PHTF1: variants seen among roughly 807,000 people sequenced by gnomAD.
PHTF1 encodes the protein protein PHTF1.
Under a neutral mutation model 102.4 loss-of-function variants are expected in PHTF1, and 88 were observed. The ratio of observed to expected loss-of-function variants is 0.86; its 90% CI spans 0.72 to 1.03. The LOEUF is 1.03. Ranked by LOEUF, PHTF1 falls within the 50% of genes least tolerant of loss-of-function variation. PHTF1 has a pLI of 0.00. For missense variants in PHTF1, 814 were observed against 909.5 expected, an observed-to-expected ratio of 0.89 and a Z score of 1.35; for synonymous variants, 289 against 305.2, an observed-to-expected ratio of 0.95 and a Z score of 0.55.
intron 2 of PHTF1, among the ~76,000 whole-genome samples, chr1:113,758,120 G>A (rs564252274): frequency 2.4e-4 from 37 of 151,584 alleles, no homozygotes; most frequent in African/African-American, 8.5e-4. Flanking sequence ...GTGGTGGTGG[G>A]CGCCTGTGAT....
intron 16 of PHTF1, 72 bp downstream of exon 16, chr1:113,700,722 C>G: frequency 7.2e-7 from 1 of 1,397,856 alleles, no homozygotes; most frequent in Non-Finnish European, 1.0e-6. Flanking sequence ...AACCCTGAAT[C>G]CTCTGCAGGA....
At chr1:113,733,602 A>G (rs1655043740) in intron 5 of PHTF1, among the ~76,000 whole-genome samples, 1 of 151,356 alleles carries the variant, frequency 6.6e-6, no homozygotes, top group Non-Finnish European at 1.5e-5. Flanking sequence ...TAGTAACCTT[A>G]TTAACGAGAT....
At chr1:113,750,184 C>T (rs1657840027) in intron 3 of PHTF1, among the ~76,000 whole-genome samples, 1 of 151,862 alleles carries the variant, frequency 6.6e-6, no homozygotes, top group Admixed American at 6.6e-5. Context: ...TTTTGTAGAG[C>T]TATGTTGCCC....
intron 7 of PHTF1, among the ~76,000 whole-genome samples, chr1:113,724,367 CT>C (rs1399853649): frequency 6.6e-6 from 1 of 152,004 alleles, no homozygotes; most frequent in Non-Finnish European, 1.5e-5. Context: ...TGGTTACACC[CT>C]GTCTCTAATA....
chr1:113,710,421 CTCT>C lies in PHTF1; in HGVS notation c.1099_1101del (p.Arg367del). ...GAGTCATGGCGGGTGCTTTCTGAGT[CTCT>C]TCTTGACATGTTGAGGCTTCGAGAG... On this transcript the variant is annotated inframe_deletion, in exon 11 of 19. Transcript: ENST00000369604. 5.0e-6 allele frequency: 8 copies of C among 1,614,078 alleles called. No homozygotes were observed. The highest frequency in any genetic ancestry group is 5.9e-6 in the Non-Finnish European group (7 of 1,180,000).
chr1:113,712,184 C>T, intron 8 of PHTF1, 71 bp from the exon 9 acceptor site: 1 of 1,228,496 alleles, frequency 8.1e-7, no homozygotes, highest in Non-Finnish European at 1.1e-6. Flanking sequence ...TGTGTAAAAA[C>T]AAAAAAAAAT....
intron 10 of PHTF1, among the ~76,000 whole-genome samples, chr1:113,711,209 A>G (rs1651042167): frequency 6.6e-6 from 1 of 152,162 alleles, no homozygotes; most frequent in South Asian, 2.1e-4. Context: ...GTTAAAGGAT[A>G]ATCAGTCAAA....
intron 17 of PHTF1, 104 bp downstream of exon 17, chr1:113,699,600 G>A: frequency 2.9e-6 from 2 of 693,780 alleles, no homozygotes; most frequent in Non-Finnish European, 5.2e-6. Flanking sequence ...CCACTTCCAG[G>A]ACCCCTCCCA....
chr1:113,727,139 T>G (rs916160216), intron 5 of PHTF1, among the ~76,000 whole-genome samples: 1 of 152,158 alleles, frequency 6.6e-6, no homozygotes, highest in Non-Finnish European at 1.5e-5. Context: ...ATCTCCATAT[T>G]TTAACATATT....
At chr1:113,717,300 G>A (rs1652214484) in intron 7 of PHTF1, among the ~76,000 whole-genome samples, 1 of 152,018 alleles carries the variant, frequency 6.6e-6, no homozygotes, top group Non-Finnish European at 1.5e-5. Flanking sequence ...AAGATAGGAA[G>A]GAAAGAAAGA....
At chr1:113,753,221 T>C (rs1330735659) in intron 3 of PHTF1, among the ~76,000 whole-genome samples, 2 of 152,348 alleles carry the variant, frequency 1.3e-5, no homozygotes, top group Non-Finnish European at 2.9e-5. Flanking sequence ...AATGTTCTTA[T>C]GATGTCTTTG....
At chr1:113,699,422 A>G in intron 17 of PHTF1, 1 of 570,446 alleles carries the variant, frequency 1.8e-6, no homozygotes, top group African/African-American at 1.8e-5. Context: ...CACAGAGAAG[A>G]GGCAGATCTC....
rs986850949 is a variant in PHTF1 at position 113,759,457 on chromosome 1, C to G, written c.-465G>C. On this transcript the variant is annotated 5_prime_UTR_variant, in exon 1 of 19. Coordinates refer to ENST00000369604, the MANE Select transcript of PHTF1 (RefSeq NM_001323043.2). The stretch of plus-strand genomic sequence containing the variant: ...GGCAGCGGCGCTCGTCTTCTGCGGG[C>G]CGCGCCGGGATGCAGTGACTCAGCC... 1 of 152,496 alleles carries G rather than the reference C, an allele frequency of 6.6e-6. No homozygotes were observed. The highest frequency in any genetic ancestry group is 2.4e-5 in the African/African-American group (1 of 41,480). 9.4% of individuals were successfully genotyped at this position (152,496 alleles called of 1,614,324 possible). A position where few individuals can be genotyped will look rare whatever the true frequency, so the allele number is the denominator to read the frequency against.
At chr1:113,752,844 A>G (rs1658299539) in intron 3 of PHTF1, among the ~76,000 whole-genome samples, 1 of 152,208 alleles carries the variant, frequency 6.6e-6, no homozygotes, top group Non-Finnish European at 1.5e-5. Flanking sequence ...TTAAATAAAA[A>G]TAGTAAGAGC....
At chr1:113,737,756 G>GCCA (rs1290343146) in intron 5 of PHTF1, among the ~76,000 whole-genome samples, 2 of 152,184 alleles carry the variant, frequency 1.3e-5, no homozygotes, top group Non-Finnish European at 2.9e-5. Flanking sequence ...CTGTGATCAT[G>GCCA]CCACTGCACT....
chr1:113,700,105 C>T, intron 16 of PHTF1: 1 of 1,044,946 alleles, frequency 9.6e-7, no homozygotes. Context: ...GAGTTCAAAA[C>T]CTCTATCTTA....
intron 6 of PHTF1, 54 bp downstream of exon 6, chr1:113,726,364 T>C: frequency 7.9e-7 from 1 of 1,267,190 alleles, no homozygotes; most frequent in South Asian, 1.4e-5. Context: ...TTTATAAATC[T>C]CTACAATAAC....
intron 14 of PHTF1, among the ~76,000 whole-genome samples, chr1:113,704,412 A>C (rs1649814250): frequency 6.6e-6 from 1 of 152,200 alleles, no homozygotes; most frequent in African/African-American, 2.4e-5. Context: ...AAAAAGCCAG[A>C]AAAATATAAA....
At chr1:113,752,162 A>AT (rs1658181253) in intron 3 of PHTF1, among the ~76,000 whole-genome samples, 3 of 152,154 alleles carry the variant, frequency 2.0e-5, no homozygotes, top group Non-Finnish European at 4.4e-5. Context: ...TATTCCATTT[A>AT]TTTAGACCTT....
Sources: gnomAD v4.1 joint callset for allele counts (sites outside exome capture counted in the v4.1 genomes callset) on GRCh38, gnomAD v4.1.1 for gene constraint, MANE v1.5 for transcripts, NCBI Gene and HGNC (gene_info 2026-07-23, HGNC 2026-07-21) for gene names.